The following LIMCH1 variants were observed in gnomAD, a reference collection of about 807,000 sequenced individuals.
The protein encoded by LIMCH1 is LIM and calponin homology domains 1, also known as LIM and calponin homology domains-containing protein 1.
In LIMCH1, 113 loss-of-function variants were observed where a neutral mutation model predicts 176.5. That is an observed-to-expected ratio of 0.64 (90% CI 0.55 to 0.75). The LOEUF (loss-of-function observed/expected upper bound fraction) is 0.75, where lower values mean the gene tolerates loss of function less well. Ranked by LOEUF, LIMCH1 falls within the 30% of genes least tolerant of loss-of-function variation. The pLI is 0.00. For synonymous variants in LIMCH1, 619 were observed against 645.9 expected, an observed-to-expected ratio of 0.96 and a Z score of 0.63; for missense variants, 1,674 against 1,814.9, an observed-to-expected ratio of 0.92 and a Z score of 1.41.
At chr4:41,375,406 C>T (rs1400144067) in intron 1 of LIMCH1, among the ~76,000 whole-genome samples, 1 of 152,020 alleles carries the variant, frequency 6.6e-6, no homozygotes. Flanking sequence ...GATTTTTAAA[C>T]TGTTGATTAA....
chr4:41,422,114 C>T (rs978130637), intron 1 of LIMCH1, among the ~76,000 whole-genome samples: 10 of 150,810 alleles, frequency 6.6e-5, no homozygotes, highest in African/African-American at 2.5e-4. Flanking sequence ...AAACAAACAA[C>T]AGAGAGTGAG....
intron 2 of LIMCH1, among the ~76,000 whole-genome samples, chr4:41,516,084 T>C (rs989298702): frequency 6.6e-6 from 1 of 152,228 alleles, no homozygotes. Context: ...TAAGTTCTTT[T>C]CGTGTGTTGG....
chr4:41,488,253 G>A (rs2070080281), intron 1 of LIMCH1, among the ~76,000 whole-genome samples: 1 of 152,166 alleles, frequency 6.6e-6, no homozygotes, highest in Non-Finnish European at 1.5e-5. Flanking sequence ...GGTGAACAAA[G>A]TTAGTATTAT....
rs573872481 is a variant in LIMCH1 at position 41,685,642 on chromosome 4, A to C, written c.3968-68A>C. The C allele has an allele frequency of 1.1e-4, 174 of 1,591,240 alleles. No homozygotes were observed. The African/African-American group carries it at 1.7e-3, about 16-fold the overall frequency. Reference sequence around the variant, plus strand: ...TCAACAGGCATTAGCACTTTAAAGAAAGGTGACTTCCTAGGTAGTAAGGTG... The same window carrying C: ...TCAACAGGCATTAGCACTTTAAAGACAGGTGACTTCCTAGGTAGTAAGGTG... On this transcript the variant is annotated intron_variant, in intron 27 of 31. Transcript: ENST00000503057.
At chr4:41,523,339 G>T (rs989214919) in intron 2 of LIMCH1, among the ~76,000 whole-genome samples, 1 of 152,154 alleles carries the variant, frequency 6.6e-6, no homozygotes, top group Non-Finnish European at 1.5e-5. Flanking sequence ...CAACTCTGCA[G>T]TTGTAGCACA....
At chr4:41,648,663 G>A (rs1360403630) in intron 17 of LIMCH1, among the ~76,000 whole-genome samples, 2 of 120,440 alleles carry the variant, frequency 1.7e-5, no homozygotes, top group East Asian at 4.3e-4. Flanking sequence ...GTAGGGGTGT[G>A]TGTGTGTGTG....
At chr4:41,581,045 A>C (rs1024789253) in intron 1 of LIMCH1, among the ~76,000 whole-genome samples, 1 of 152,190 alleles carries the variant, frequency 6.6e-6, no homozygotes, top group African/African-American at 2.4e-5. Flanking sequence ...CCAGAGCCAG[A>C]CGGTTACAGA....
At position 41,682,427 on chromosome 4, in the gene LIMCH1, C is replaced by T. The variant is rs1410270623; in HGVS notation, c.3812C>T (p.Thr1271Ile). 1 of 1,613,080 alleles carries T rather than the reference C, an allele frequency of 6.2e-7. No homozygotes were observed. The highest frequency in any genetic ancestry group is 8.5e-7 in the Non-Finnish European group (1 of 1,179,344). Residue 1271 changes from threonine to isoleucine, a missense_variant, in exon 26 of 32, where the codon ACT becomes ATT. By Grantham distance (89) the Thr-to-Ile change is moderately conservative (BLOSUM62 -1). Around this residue, in one of 3 missense-constraint regions of LIMCH1, gnomAD observed 1,015 missense variants for 1,102.5 expected, o/e 0.92. Coordinates refer to ENST00000503057, the MANE Select transcript of LIMCH1 (RefSeq NM_001330672.2). ...QGDDSDLLLKTRESDRLEEKG... is the reference protein window; with the variant it reads ...QGDDSDLLLKIRESDRLEEKG... The stretch of plus-strand genomic sequence containing the variant: ...GATGACAGTGACTTATTGCTGAAGA[C>T]TAGGGAAAGTGATCGACTGGAGGAG...
At chr4:41,636,185 T>C (rs2093578599) in intron 13 of LIMCH1, among the ~76,000 whole-genome samples, 1 of 151,498 alleles carries the variant, frequency 6.6e-6, no homozygotes, top group South Asian at 2.1e-4. Flanking sequence ...GTTGGGATTA[T>C]AGGCATGAGC....
In LIMCH1 at chr4:41,440,687, C is replaced by T. The variant is rs544780303; in HGVS notation, c.97-53849C>T. ...AACCAGGACTACAGGTGCACACCAC[C>T]GCGCCCGGCTAATTTTTGTATTTTT... is the stretch of plus-strand genomic sequence containing the variant. On this transcript the variant is annotated intron_variant, in intron 1 of 26. Coordinates refer to the LIMCH1 transcript ENST00000313860. 4.1e-4 allele frequency among the ~76,000 whole-genome samples: 62 copies of T among 152,174 alleles called. 1 individual carries two copies. Among genetic ancestry groups the T allele is most frequent in the Admixed American group, 7.9e-4 (12 of 15,266 alleles).
intron 1 of LIMCH1, among the ~76,000 whole-genome samples, chr4:41,542,338 A>G (rs916676100): frequency 6.7e-6 from 1 of 148,756 alleles, no homozygotes. Flanking sequence ...ATTTTTGGAC[A>G]TGTGTTTTTC....
chr4:41,372,985 C>A (rs978931396), intron 1 of LIMCH1, among the ~76,000 whole-genome samples: 5 of 152,162 alleles, frequency 3.3e-5, no homozygotes, highest in African/African-American at 1.2e-4. Flanking sequence ...TTCATTCATT[C>A]ATCATATAGT....
intron 2 of LIMCH1, among the ~76,000 whole-genome samples, chr4:41,504,287 A>G (rs904360040): frequency 6.6e-6 from 1 of 152,062 alleles, no homozygotes; most frequent in African/African-American, 2.4e-5. Flanking sequence ...CTTCATTCTG[A>G]GTTTCCTAGT....
At chr4:41,405,130 C>T (rs1375777539) in intron 1 of LIMCH1, among the ~76,000 whole-genome samples, 3 of 152,094 alleles carry the variant, frequency 2.0e-5, no homozygotes, top group African/African-American at 7.2e-5. Context: ...CTTTACCGTA[C>T]TATCCACATG....
At chr4:41,496,492 A>G (rs1249964775) in intron 2 of LIMCH1, among the ~76,000 whole-genome samples, 1 of 152,208 alleles carries the variant, frequency 6.6e-6, no homozygotes, top group East Asian at 1.9e-4. Flanking sequence ...TTCAAGAGAA[A>G]GCTGGGTCAG....
intron 1 of LIMCH1, among the ~76,000 whole-genome samples, chr4:41,594,060 A>C (rs150186546): frequency 6.6e-6 from 1 of 152,338 alleles, no homozygotes; most frequent in East Asian, 1.9e-4. Context: ...GATGCTTAAA[A>C]ATAAAGGCAG....
chr4:41,443,825 T>A (rs1392969941), intron 1 of LIMCH1, among the ~76,000 whole-genome samples: 1 of 152,030 alleles, frequency 6.6e-6, no homozygotes, highest in Non-Finnish European at 1.5e-5. Flanking sequence ...TGTGAGGGAG[T>A]TTGCCTTCCC....
intron 1 of LIMCH1, among the ~76,000 whole-genome samples, chr4:41,550,138 C>T (rs943545754): frequency 6.6e-6 from 1 of 151,750 alleles, no homozygotes; most frequent in African/African-American, 2.4e-5. Flanking sequence ...GCTGCCATTT[C>T]TTATGCCCAC....
intron 1 of LIMCH1, among the ~76,000 whole-genome samples, chr4:41,400,482 A>G (rs1268485027): frequency 1.3e-5 from 2 of 152,120 alleles, no homozygotes; most frequent in African/African-American, 4.8e-5. Context: ...GTGCTTGGCA[A>G]TTTGCACTGC....
Sources: gnomAD v4.1 joint callset for allele counts (sites outside exome capture counted in the v4.1 genomes callset) on GRCh38, gnomAD v4.1.1 for gene constraint, gnomAD v4.1.1 regional missense constraint, MANE v1.5 for transcripts, NCBI Gene and HGNC (gene_info 2026-07-23, HGNC 2026-07-21) for gene names.